Variants in CDKL3 observed in about 807,000 individuals in gnomAD.
CDKL3 encodes the protein cyclin-dependent kinase-like 3.
Under a neutral mutation model 69.3 loss-of-function variants are expected in CDKL3, and 65 were observed. That is an observed-to-expected ratio of 0.94 (90% CI 0.77 to 1.15). CDKL3 has a LOEUF of 1.15. Among genes scored for constraint, CDKL3 ranks in the 50% most tolerant of loss-of-function variants. The pLI is 0.00. For synonymous variants in CDKL3, 202 were observed against 221.6 expected (o/e 0.91, Z 0.79); for missense variants, 652 against 689.2 (o/e 0.95, Z 0.61).
At chr5:134,351,192 C>G (rs1400653459) in intron 3 of CDKL3, among the ~76,000 whole-genome samples, 3 of 152,156 alleles carry the variant, frequency 2.0e-5, no homozygotes, top group Non-Finnish European at 2.9e-5. Flanking sequence ...CAAATCTCCT[C>G]CTACCTACCT....
Position 134,358,515 on chromosome 5 carries a change from CTTTCT to C in CDKL3, c.360+1377_360+1381del, listed in dbSNP as rs200859375. On this transcript the variant is annotated intron_variant, in intron 3 of 12. Coordinates refer to ENST00000265334, the MANE Select transcript of CDKL3 (RefSeq NM_001113575.2). ...ACCACTATTCTTGACTCCCTACCAG[CTTTCT>C]TTTCTTTTCCTTTTTTTTCTTTTCT... 1.4e-3 allele frequency among the ~76,000 whole-genome samples: 214 copies of C among 149,430 alleles called. 3 individuals are homozygous for C. In the East Asian group the frequency reaches 0.02, roughly 14 times the overall value.
chr5:134,368,488 G>A (rs966766511), upstream of CDKL3, among the ~76,000 whole-genome samples: 18 of 151,846 alleles, frequency 1.2e-4, no homozygotes, highest in Non-Finnish European at 2.4e-4. Flanking sequence ...GCGTGGTGGC[G>A]GGCGCCTGTA....
chr5:134,309,397 T>C lies in CDKL3; in HGVS notation c.882-670A>G, dbSNP rs377191004. Among the ~76,000 whole-genome samples the C allele has an allele frequency of 1.5e-4, 23 of 152,346 alleles. 1 individual carries two copies. The South Asian group carries it at 4.8e-3, about 32-fold the overall frequency. On this transcript the variant is annotated intron_variant, in intron 7 of 12. Transcript: ENST00000265334. The stretch of plus-strand genomic sequence containing the variant: ...TGCACCCAGCTGTGGTTCTTTAAAG[T>C]AATAGAACTTTAAAAATGAACTAAC...
rs1757617782 is a variant in CDKL3 at position 134,367,093 on chromosome 5, T to A, written c.-138A>T. 1.0e-6 allele frequency: 1 copy of A among 986,196 alleles called. No homozygotes were observed. The highest frequency in any genetic ancestry group is 1.2e-6 in the Non-Finnish European group (1 of 830,598). The allele number at this position is 986,196 out of a possible 1,614,324, so 61.1% of individuals were successfully genotyped here. Reference sequence around the variant, plus strand: ...TAGTTCCAGTGGAGCCACCGAACACTGATACTACTTTGTTGCTCAGCCCCG... The same window carrying A: ...TAGTTCCAGTGGAGCCACCGAACACAGATACTACTTTGTTGCTCAGCCCCG... On this transcript the variant is annotated 5_prime_UTR_variant, in exon 1 of 13. Coordinates refer to ENST00000265334, the MANE Select transcript of CDKL3 (RefSeq NM_001113575.2).
At chr5:134,332,114 C>T (rs1270124402) in intron 4 of CDKL3, among the ~76,000 whole-genome samples, 8 of 152,184 alleles carry the variant, frequency 5.3e-5, no homozygotes, top group African/African-American at 1.7e-4. Context: ...AGTGTCTGTT[C>T]ATATCCTTTG....
intron 3 of CDKL3, among the ~76,000 whole-genome samples, chr5:134,352,468 T>C (rs896201224): frequency 1.3e-5 from 2 of 151,914 alleles, no homozygotes; most frequent in African/African-American, 4.8e-5. Flanking sequence ...GCCCGGCTAA[T>C]TTTTGTATTT....
At chr5:134,288,707 C>T (rs1394762345) in intron 8 of CDKL3, among the ~76,000 whole-genome samples, 2 of 152,198 alleles carry the variant, frequency 1.3e-5, no homozygotes, top group Non-Finnish European at 2.9e-5. Flanking sequence ...TACTAAATTT[C>T]ATCACTACAA....
At chr5:134,359,737 T>C (rs930755590) in intron 3 of CDKL3, among the ~76,000 whole-genome samples, 160 bp downstream of exon 3, 2 of 152,190 alleles carry the variant, frequency 1.3e-5, no homozygotes, top group Non-Finnish European at 2.9e-5. Flanking sequence ...GTTCTGCAAC[T>C]AAAAGGTAGT....
intron 3 of CDKL3, among the ~76,000 whole-genome samples, chr5:134,354,144 C>T (rs1753986460): frequency 6.6e-6 from 1 of 152,158 alleles, no homozygotes; most frequent in African/African-American, 2.4e-5. Context: ...ATCTGCACTT[C>T]CCCCTTCATA....
chr5:134,371,345 G>A (rs1758381451), upstream of CDKL3: 3 of 597,196 alleles, frequency 5.0e-6, no homozygotes, highest in Non-Finnish European at 2.9e-6. Context: ...CCCGCTGAAG[G>A]GCTCGGGGAA....
downstream of CDKL3, among the ~76,000 whole-genome samples, chr5:134,285,351 G>A (rs181251068): frequency 7.3e-4 from 111 of 152,314 alleles, no homozygotes; most frequent in African/African-American, 2.3e-3. Context: ...AAATCTTGGC[G>A]GAGGTTCCCA....
chr5:134,304,134 G>A (rs1767112054), intron 11 of CDKL3, among the ~76,000 whole-genome samples: 1 of 151,872 alleles, frequency 6.6e-6, no homozygotes, highest in South Asian at 2.1e-4. Flanking sequence ...TTGCTATGTT[G>A]CCCAGGCTTG....
intron 11 of CDKL3, 35 bp downstream of exon 11, chr5:134,304,370 C>T (rs761022683): frequency 1.3e-6 from 2 of 1,486,076 alleles, no homozygotes; most frequent in Admixed American, 2.1e-5. Flanking sequence ...TAAATGATAT[C>T]ATCATAATTG....
intron 5 of CDKL3, among the ~76,000 whole-genome samples, chr5:134,319,918 T>C (rs1772276811): frequency 1.3e-5 from 2 of 152,094 alleles, no homozygotes; most frequent in African/African-American, 4.8e-5. Flanking sequence ...AATCAAAATA[T>C]TGCAAAAAAA....
upstream of CDKL3, chr5:134,367,435 C>G (rs1238372073): frequency 5.2e-6 from 5 of 962,524 alleles, no homozygotes; most frequent in Admixed American, 3.7e-4. Flanking sequence ...TGCAGTGTCG[C>G]TGATCTTGGC....
intron 4 of CDKL3, among the ~76,000 whole-genome samples, chr5:134,322,662 A>G (rs1019676237): frequency 6.6e-6 from 1 of 152,144 alleles, no homozygotes; most frequent in African/African-American, 2.4e-5. Flanking sequence ...ACAACCCCAC[A>G]ATAAAATATT....
chr5:134,319,704 C>T (rs1185776037), intron 5 of CDKL3, among the ~76,000 whole-genome samples: 1 of 152,094 alleles, frequency 6.6e-6, no homozygotes, highest in Non-Finnish European at 1.5e-5. Context: ...GCTGATAGCC[C>T]ACAGGCAACA....
chr5:134,324,714 C>T (rs73289837), intron 4 of CDKL3, among the ~76,000 whole-genome samples: 25,258 of 152,002 alleles, frequency 0.17, 2,849 homozygotes, highest in African/African-American at 0.32. Context: ...AGAATAAAAA[C>T]GAAGCACAGA....
chr5:134,368,455 A>G (rs1757931870), upstream of CDKL3, among the ~76,000 whole-genome samples: 1 of 151,914 alleles, frequency 6.6e-6, no homozygotes, highest in South Asian at 2.1e-4. Flanking sequence ...CATTTCTACT[A>G]AAAAATAGAA....
Sources: gnomAD v4.1 joint callset for allele counts (sites outside exome capture counted in the v4.1 genomes callset) on GRCh38, gnomAD v4.1.1 for gene constraint, MANE v1.5 for transcripts, NCBI Gene and HGNC (gene_info 2026-07-23, HGNC 2026-07-21) for gene names.